PRKN: variants seen among roughly 807,000 people sequenced by gnomAD.
PRKN encodes the protein parkin RBR E3 ubiquitin protein ligase, also known as E3 ubiquitin-protein ligase parkin.
A neutral mutation model predicts 59.5 loss-of-function variants in PRKN; 56 were observed. The ratio of observed to expected loss-of-function variants is 0.94; its 90% CI spans 0.76 to 1.18. The LOEUF (loss-of-function observed/expected upper bound fraction) is 1.18, where lower values mean the gene tolerates loss of function less well. Ranked by LOEUF, PRKN falls within the 50% of genes most tolerant of loss-of-function variation. PRKN has a pLI of 0.00. For synonymous variants in PRKN, 250 were observed against 222.1 expected, an observed-to-expected ratio of 1.13 and a Z score of -1.12; for missense variants, 657 against 596.4, an observed-to-expected ratio of 1.10 and a Z score of -1.06.
intron 9 of PRKN, among the ~76,000 whole-genome samples, chr6:161,477,846 G>A (rs1304326533): frequency 2.0e-5 from 3 of 152,142 alleles, no homozygotes; most frequent in Admixed American, 6.5e-5. Context: ...AGTATTATCT[G>A]GAGGGGAAGA....
intron 6 of PRKN, among the ~76,000 whole-genome samples, chr6:161,808,516 T>C (rs562843409): frequency 1.4e-4 from 21 of 152,306 alleles, no homozygotes; most frequent in African/African-American, 4.8e-4. Flanking sequence ...AAAGGAGATA[T>C]AGCAAATAGG....
At chr6:162,038,950 C>A (rs559758377) in intron 5 of PRKN, among the ~76,000 whole-genome samples, 3 of 152,072 alleles carry the variant, frequency 2.0e-5, no homozygotes, top group Non-Finnish European at 4.4e-5. Context: ...GTCAGGAGAT[C>A]GAGACCATCC....
chr6:162,057,675 CA>C (rs1381077031), intron 4 of PRKN, among the ~76,000 whole-genome samples: 2 of 152,200 alleles, frequency 1.3e-5, no homozygotes, highest in Non-Finnish European at 2.9e-5. Context: ...TACTCCTATA[CA>C]AAAACTTTGA....
chr6:162,179,640 T>A (rs1783700904), intron 4 of PRKN, among the ~76,000 whole-genome samples: 1 of 152,146 alleles, frequency 6.6e-6, no homozygotes, highest in African/African-American at 2.4e-5. Flanking sequence ...TAGGTAAGAA[T>A]GGCATCAAGT....
At chr6:161,682,286 G>A (rs754423135) in intron 7 of PRKN, among the ~76,000 whole-genome samples, 8 of 152,244 alleles carry the variant, frequency 5.3e-5, no homozygotes, top group Non-Finnish European at 1.0e-4. Flanking sequence ...CCTCCCTGAG[G>A]CTTGGGTGAT....
chr6:161,563,607 ATATAAATG>A (rs1414069974), intron 8 of PRKN, among the ~76,000 whole-genome samples: 8 of 152,236 alleles, frequency 5.3e-5, no homozygotes, highest in Non-Finnish European at 1.5e-5. Context: ...TAAGAAGCTA[ATATAAATG>A]TATTATTTTA....
In PRKN at chr6:161,484,679, C is replaced by T. The variant is rs573070977; in HGVS notation, c.1083+64175G>A. Among the ~76,000 whole-genome samples the T allele has an allele frequency of 2.6e-5, 4 of 152,244 alleles. No individual in the cohort carries two copies. Among genetic ancestry groups the T allele is most frequent in the East Asian group, 1.9e-4 (1 of 5,162 alleles). ...GAAGTTTGAGACCAGGCCATTCTCACGGGCCCGTTGTGGGCACTGCATGGT... is the reference window on the plus strand; with the variant it reads ...GAAGTTTGAGACCAGGCCATTCTCATGGGCCCGTTGTGGGCACTGCATGGT... On this transcript the variant is annotated intron_variant, in intron 9 of 11. Transcript: ENST00000366898. The surrounding 1 kb of genome is among the most constrained non-coding windows in gnomAD (Gnocchi z 4.9).
chr6:162,302,375 A>G (rs1172134260), intron 2 of PRKN, among the ~76,000 whole-genome samples: 1 of 152,168 alleles, frequency 6.6e-6, no homozygotes, highest in Non-Finnish European at 1.5e-5. Context: ...CCTAAGTTAG[A>G]CTTAACCTAA....
intron 6 of PRKN, among the ~76,000 whole-genome samples, chr6:161,795,743 A>G (rs1014804995): frequency 1.3e-5 from 2 of 152,236 alleles, no homozygotes; most frequent in South Asian, 2.1e-4. Context: ...ACTCAGTCCA[A>G]TGTTGGTCAG....
At chr6:162,447,842 T>C (rs1272651292) in intron 1 of PRKN, among the ~76,000 whole-genome samples, 1 of 152,116 alleles carries the variant, frequency 6.6e-6, no homozygotes, top group Non-Finnish European at 1.5e-5. Context: ...GGTCAAATGA[T>C]TGGTTCAGGG....
intron 2 of PRKN, among the ~76,000 whole-genome samples, chr6:162,304,354 T>G (rs1374899070): frequency 2.0e-5 from 3 of 150,978 alleles, no homozygotes; most frequent in Non-Finnish European, 4.4e-5. Flanking sequence ...TAATGACCAC[T>G]GCTGGCCTAA....
chr6:161,757,962 AATATAT>A (rs140547354), intron 7 of PRKN, among the ~76,000 whole-genome samples: 1 of 134,166 alleles, frequency 7.5e-6, no homozygotes, highest in Non-Finnish European at 1.6e-5. Context: ...TATACAGTTA[AATATAT>A]ATATATATAT....
chr6:162,462,672 C>T (rs550988337), intron 1 of PRKN, among the ~76,000 whole-genome samples: 2 of 152,092 alleles, frequency 1.3e-5, no homozygotes, highest in African/African-American at 2.4e-5. Context: ...CTTCAATAGA[C>T]GGCTGCTTAC....
chr6:162,424,177 T>A lies in PRKN; in HGVS notation c.171+19133A>T, dbSNP rs556736798. Among the ~76,000 whole-genome samples, 3 of 152,292 alleles carry A rather than the reference T, an allele frequency of 2.0e-5. No homozygotes were observed. In the East Asian group the frequency reaches 5.8e-4, roughly 29 times the overall value. The stretch of plus-strand genomic sequence containing the variant: ...ATGAAGAGGCGACTTTATGATTCTA[T>A]CTATAGGACATCCTGGAAAAGGCAC... On this transcript the variant is annotated intron_variant, in intron 2 of 11. Transcript: ENST00000366898.
At chr6:162,564,094 C>T (rs9458599) in intron 1 of PRKN, among the ~76,000 whole-genome samples, 34,066 of 151,816 alleles carry the variant, frequency 0.22, 4,597 homozygotes, top group African/African-American at 0.38. Context: ...TGCCTGTAAT[C>T]CCAGCACTTT....
At chr6:162,685,368 A>T (rs182940644) in intron 1 of PRKN, among the ~76,000 whole-genome samples, 157 of 152,336 alleles carry the variant, frequency 1.0e-3, no homozygotes, top group African/African-American at 3.7e-3. Flanking sequence ...GAACTGTGCT[A>T]CTTCTTCAAT....
rs1367328465 is a variant in PRKN at position 161,407,190 on chromosome 6, CA to C, written c.1084-20314del. ...ACAGAGTCATAATCTACATGGAAAA[CA>C]AAAAGTCATACCAAAATTATAACTG... is the stretch of plus-strand genomic sequence containing the variant. On this transcript the variant is annotated intron_variant, in intron 9 of 11. Coordinates refer to ENST00000366898, the MANE Select transcript of PRKN (RefSeq NM_004562.3). This position sits in a 1 kb window ranked among gnomAD's most constrained non-coding sequence, Gnocchi z 4.9. Among the ~76,000 whole-genome samples, 1 of 151,950 alleles carries C rather than the reference CA, an allele frequency of 6.6e-6. No individual in the cohort carries two copies. Among genetic ancestry groups the C allele is most frequent in the Non-Finnish European group, 1.5e-5 (1 of 68,010 alleles).
At chr6:162,619,098 G>C (rs999622301) in intron 1 of PRKN, among the ~76,000 whole-genome samples, 1 of 151,314 alleles carries the variant, frequency 6.6e-6, no homozygotes, top group East Asian at 1.9e-4. Flanking sequence ...TTGAAATAGT[G>C]CCTCAAGCAA....
intron 1 of PRKN, among the ~76,000 whole-genome samples, chr6:162,491,829 A>C (rs1014824680): frequency 6.6e-6 from 1 of 152,198 alleles, no homozygotes; most frequent in African/African-American, 2.4e-5. Flanking sequence ...ATAACATGCC[A>C]GTGGCTAGAA....
Sources: allele counts gnomAD v4.1 joint callset (sites outside exome capture counted in the v4.1 genomes callset), GRCh38; gene constraint gnomAD v4.1.1; non-coding constraint Gnocchi (gnomAD v3.1); transcripts MANE v1.5; gene names NCBI Gene and HGNC (gene_info 2026-07-23, HGNC 2026-07-21).